The following BTBD1 variants were observed in gnomAD, a reference collection of about 807,000 sequenced individuals.
BTBD1 encodes BTB domain containing 1.
A neutral mutation model predicts 48.0 loss-of-function variants in BTBD1; 34 were observed. That is an observed-to-expected ratio of 0.71 (90% confidence interval 0.54 to 0.94). The LOEUF is 0.94. BTBD1 is among the 40% of genes least tolerant of loss of function. The pLI is 0.00. For synonymous variants in BTBD1, 261 were observed against 242.1 expected, an observed-to-expected ratio of 1.08 and a Z score of -0.72; for missense variants, 543 against 625.6, an observed-to-expected ratio of 0.87 and a Z score of 1.41.
intron 5 of BTBD1, chr15:83,028,605 A>T (rs751003109): frequency 7.2e-5 from 11 of 152,134 alleles, no homozygotes; most frequent in Admixed American, 4.6e-4. Flanking sequence ...TGAGGATTTG[A>T]CAAAACTCAC....
intron 4 of BTBD1, among the ~76,000 whole-genome samples, chr15:83,033,884 ATTTAATTTT>A (rs1185596853): frequency 6.6e-6 from 1 of 152,102 alleles, no homozygotes; most frequent in African/African-American, 2.4e-5. Context: ...CATCTAAAAA[ATTTAATTTT>A]TAAGATTTAA....
Position 83,056,519 on chromosome 15 carries a change from A to G in BTBD1, c.428T>C (p.Ile143Thr), listed in dbSNP as rs1457851913. ...LRFLYSDEVQ[I>T]GPETVMTTLY... ...AGTGGTCATAACTGTTTCTGGACCA[A>G]TTTGAACTTCATCTGAATATAGAAA... Residue 143 changes from isoleucine to threonine, a missense_variant, in exon 2 of 8, where the codon ATT becomes ACT. By Grantham distance (89) the Ile-to-Thr change is moderately conservative. Coordinates refer to ENST00000261721, the MANE Select transcript of BTBD1 (RefSeq NM_025238.4). The G allele has an allele frequency of 6.2e-7, 1 of 1,613,882 alleles. No individual in the cohort carries two copies. Among genetic ancestry groups the G allele is most frequent in the South Asian group, 1.1e-5 (1 of 91,056 alleles).
At chr15:83,019,055 T>G (rs965720032) in intron 6 of BTBD1, among the ~76,000 whole-genome samples, 1 of 147,586 alleles carries the variant, frequency 6.8e-6, no homozygotes, top group African/African-American at 2.5e-5. Context: ...TGTTGGTGGG[T>G]GTGTGTGTGT....
intron 1 of BTBD1, among the ~76,000 whole-genome samples, chr15:83,062,182 G>C (rs2033186988): frequency 6.6e-6 from 1 of 152,128 alleles, no homozygotes; most frequent in African/African-American, 2.4e-5. Context: ...ACATCCTGTA[G>C]GTAAAAAGAA....
chr15:83,026,599 C>G (rs977547808), intron 5 of BTBD1, among the ~76,000 whole-genome samples: 1 of 148,512 alleles, frequency 6.7e-6, no homozygotes. Flanking sequence ...ATTGGCTCAC[C>G]ACAACCTCCA....
At chr15:83,030,439 A>G (rs548515859) in intron 4 of BTBD1, 111 bp from the exon 5 acceptor site, 56 of 845,450 alleles carry the variant, frequency 6.6e-5, no homozygotes, top group African/African-American at 6.0e-4. Flanking sequence ...AAAATAGGGG[A>G]AAAAAATCTT....
chr15:83,027,982 CTA>C (rs935655815), intron 5 of BTBD1, among the ~76,000 whole-genome samples: 40 of 152,264 alleles, frequency 2.6e-4, no homozygotes, highest in African/African-American at 9.4e-4. Flanking sequence ...TATATTATAA[CTA>C]GATCACTTAT....
rs200559939 is a variant in BTBD1, at chr15:83,057,640, GTGC to G, written c.402-1098_402-1096del. On this transcript the variant is annotated intron_variant, in intron 1 of 7. Transcript: ENST00000261721. Reference sequence around the variant, plus strand: ...GTTCCTTTTTTCTCCACAGCACCATGTGCTGGTTTTATGAACGCAAAAACTTTC... The same window carrying G: ...GTTCCTTTTTTCTCCACAGCACCATGTGGTTTTATGAACGCAAAAACTTTC... 4.3e-4 allele frequency among the ~76,000 whole-genome samples: 66 copies of G among 152,280 alleles called. No individual in the cohort carries two copies. The East Asian group carries it at 0.011, about 26-fold the overall frequency.
In BTBD1 at chr15:83,067,047, C is replaced by T; in HGVS notation, c.105G>A (p.Gly35=). The change falls in exon 1 of 8, where the codon GGG becomes GGA. Residue 35 remains glycine (G), a synonymous_variant. Transcript: ENST00000261721. ...GTTCCCGCTGCAGGGGGAGCAGGGG[C>T]CCCAGAGAGGACGGTGAGGGCGGCG... The part of the protein sequence containing the change: ...PPPPPSPSSL[G]PLLPLQREPL... The T allele has an allele frequency of 6.3e-7, 1 of 1,579,728 alleles. No homozygotes were observed. Among genetic ancestry groups the T allele is most frequent in the East Asian group, 2.5e-5 (1 of 40,044 alleles).
chr15:83,050,385 G>T (rs1456104711), intron 2 of BTBD1, among the ~76,000 whole-genome samples: 1 of 151,454 alleles, frequency 6.6e-6, no homozygotes, highest in Non-Finnish European at 1.5e-5. Context: ...GCCCTGCTAA[G>T]AACAAATTGA....
rs953174974 is a variant in BTBD1 at position 83,032,891 on chromosome 15, G to A, written c.863-2563C>T. Among the ~76,000 whole-genome samples the A allele has an allele frequency of 5.1e-4, 74 of 146,110 alleles. 1 individual carries two copies. Among genetic ancestry groups the A allele is most frequent in the African/African-American group, 1.7e-3 (66 of 39,260 alleles). On this transcript the variant is annotated intron_variant, in intron 4 of 7. Coordinates refer to ENST00000261721, the MANE Select transcript of BTBD1 (RefSeq NM_025238.4). ...GGAGGCTGAGGCAGGAGAATCACTTGAACCTGGAAGGTGGAGGTTGCACTG... is the reference window on the plus strand; with the variant it reads ...GGAGGCTGAGGCAGGAGAATCACTTAAACCTGGAAGGTGGAGGTTGCACTG...
At chr15:83,063,741 T>A (rs1416436411) in intron 1 of BTBD1, among the ~76,000 whole-genome samples, 2 of 152,326 alleles carry the variant, frequency 1.3e-5, no homozygotes, top group Non-Finnish European at 2.9e-5. Context: ...TTTGACCTCA[T>A]TTTCTACCAC....
Position 83,018,752 on chromosome 15 carries a change from T to C in BTBD1, c.1245A>G (p.Ile415Met), listed in dbSNP as rs1318145662. The C allele has an allele frequency of 1.2e-6, 2 of 1,611,262 alleles. No individual in the cohort carries two copies. The highest frequency in any genetic ancestry group is 1.7e-6 in the Non-Finnish European group (2 of 1,177,498). Residue 415 changes from isoleucine (I) to methionine (M), a missense_variant, in exon 7 of 8, where the codon ATA (isoleucine) becomes ATG (methionine). Physicochemically the swap from Ile to Met is conservative, Grantham distance 10 (BLOSUM62 1). Transcript: ENST00000261721. ...TGTAGCACACATTGGGCAGGATCTC[T>C]ATGGGTTCCTTGAACATGACCCTGA... ...NTFRVMFKEP[I>M]EILPNVCYTA...
rs565714115 is a variant in BTBD1, at chr15:83,018,648, AAC to A, written c.1290+57_1290+58del. ...GCTGTCAGTGACTCTCAGCTTCTAA[AAC>A]ACACATTCTGCAACATTCAAGAGGA... On this transcript the variant is annotated intron_variant, in intron 7 of 7. Transcript: ENST00000261721. 478 of 1,579,136 alleles carry A rather than the reference AAC, an allele frequency of 3.0e-4. 2 individuals carry two copies. In the African/African-American group the frequency reaches 4.9e-3, roughly 16 times the overall value.
intron 7 of BTBD1, 82 bp from the exon 8 acceptor site, chr15:83,018,307 T>C (rs2032212340): frequency 8.9e-7 from 1 of 1,125,486 alleles, no homozygotes; most frequent in Non-Finnish European, 1.2e-6. Context: ...AGATTAATGT[T>C]CCATTATATT....
At position 83,067,152 on chromosome 15, in the gene BTBD1, C is replaced by A. The variant is rs200228998; in HGVS notation, c.-1G>T. The A allele has an allele frequency of 7.0e-7, 1 of 1,421,732 alleles. No individual in the cohort carries two copies. The highest frequency in any genetic ancestry group is 9.1e-7 in the Non-Finnish European group (1 of 1,093,208). 88.1% of individuals were successfully genotyped at this position (1,421,732 alleles called of 1,614,324 possible). A position where few individuals can be genotyped will look rare whatever the true frequency, so the allele number is the denominator to read the frequency against. On this transcript the variant is annotated 5_prime_UTR_variant, in exon 1 of 8. Coordinates refer to ENST00000261721, the MANE Select transcript of BTBD1 (RefSeq NM_025238.4). ...CTGCGGCAGGCCCGAGTGAGGCCAT[C>A]CTCCAGCTGCGCGGTTGCCCACGTT...
intron 6 of BTBD1, among the ~76,000 whole-genome samples, chr15:83,019,442 C>A (rs567614118): frequency 6.6e-6 from 1 of 151,412 alleles, no homozygotes; most frequent in African/African-American, 2.4e-5. Context: ...CCTTCCACAT[C>A]GGCCTCCCAA....
At chr15:83,057,719 T>G (rs1190541666) in intron 1 of BTBD1, among the ~76,000 whole-genome samples, 1 of 152,258 alleles carries the variant, frequency 6.6e-6, no homozygotes, top group Non-Finnish European at 1.5e-5. Context: ...CTCGTCTGTT[T>G]CCTTGAGGAT....
chr15:83,063,461 T>C lies in BTBD1; in HGVS notation c.401+3290A>G, dbSNP rs1323298420. On this transcript the variant is annotated intron_variant, in intron 1 of 7. Coordinates refer to ENST00000261721, the MANE Select transcript of BTBD1 (RefSeq NM_025238.4). ...GACCATGTCTCATCATGTCCTTTGCTACCTCCCTGGTACAAGGTACAATTC... is the reference window on the plus strand; with the variant it reads ...GACCATGTCTCATCATGTCCTTTGCCACCTCCCTGGTACAAGGTACAATTC... Among the ~76,000 whole-genome samples the C allele has an allele frequency of 2.0e-5, 3 of 152,334 alleles. No individual in the cohort carries two copies. In the East Asian group the frequency reaches 5.8e-4, roughly 29 times the overall value.
Sources: gnomAD v4.1 joint callset for allele counts (sites outside exome capture counted in the v4.1 genomes callset) on GRCh38, gnomAD v4.1.1 for gene constraint, MANE v1.5 for transcripts, NCBI Gene and HGNC (gene_info 2026-07-23, HGNC 2026-07-21) for gene names.